Variants in HDLBP observed in about 807,000 individuals in gnomAD.
HDLBP encodes the protein vigilin.
A neutral mutation model predicts 137.3 loss-of-function variants in HDLBP; 30 were observed. The observed-to-expected ratio is 0.22, with a 90% CI of 0.16 to 0.30. The LOEUF is 0.30. Ranked by LOEUF, HDLBP falls within the 10% of genes least tolerant of loss-of-function variation. The probability of loss-of-function intolerance (pLI) is 1.00; values close to 1 mark genes in which losing one functional copy is unlikely to be tolerated. For missense variants in HDLBP, 1,119 were observed against 1,667.3 expected (o/e 0.67, Z 5.73); for synonymous variants, 606 against 596.0 (o/e 1.02, Z -0.24).
At chr2:241,236,577 C>T in intron 21 of HDLBP, 38 bp downstream of exon 21, 2 of 1,607,658 alleles carry the variant, frequency 1.2e-6, no homozygotes, top group Non-Finnish European at 1.7e-6. Flanking sequence ...GCTGACTGGG[C>T]CTTGGCGGGG....
chr2:241,242,730 G>A, intron 16 of HDLBP, 52 bp from the exon 17 acceptor site: 1 of 1,443,526 alleles, frequency 6.9e-7, no homozygotes, highest in Non-Finnish European at 9.6e-7. Context: ...GTGGCAAAAA[G>A]GGCAGAGGAA....
Position 241,315,577 on chromosome 2 carries a change from A to G in HDLBP, c.-110T>C, listed in dbSNP as rs2076046932. Reference sequence around the variant, plus strand: ...GGCGAAGATTCTCATTACCTGTTCCACTCTTATAAGCATAAGAAAACCGAG... The same window carrying G: ...GGCGAAGATTCTCATTACCTGTTCCGCTCTTATAAGCATAAGAAAACCGAG... On this transcript the variant is annotated 5_prime_UTR_variant, in exon 1 of 28. Coordinates refer to ENST00000310931, the MANE Select transcript of HDLBP (RefSeq NM_005336.6). 6.6e-6 allele frequency: 1 copy of G among 151,660 alleles called. No homozygotes were observed. The highest frequency in any genetic ancestry group is 1.5e-5 in the Non-Finnish European group (1 of 68,086). The allele number at this position is 151,660 out of a possible 1,614,324, so 9.4% of individuals were successfully genotyped here.
At chr2:241,261,579 A>AAT (rs2073190541) in intron 5 of HDLBP, among the ~76,000 whole-genome samples, 1 of 152,226 alleles carries the variant, frequency 6.6e-6, no homozygotes, top group East Asian at 1.9e-4. Flanking sequence ...CCTTTCCCCT[A>AAT]CAGTGTTGAT....
rs375138734 is a variant in HDLBP, at chr2:241,235,224, T to A, written c.3041A>T (p.Gln1014Leu). Reference protein sequence around the residue: ...VNIHVPAPELQSDIIAITGLA... With the variant: ...VNIHVPAPELLSDIIAITGLA... ...GCCCGTGATGGCGATGATGTCAGAC[T>A]GCAGCTCAGGTGCCGGGACATGTAT... The change falls in exon 23 of 28, where the codon CAG (glutamine) becomes CTG (leucine). Residue 1014 changes from glutamine to leucine, a missense_variant. This residue lies in a region of HDLBP where 618 missense variants were observed against 816.7 expected (regional missense o/e 0.76). Transcript: ENST00000310931. The A allele has an allele frequency of 2.3e-5, 37 of 1,614,088 alleles. No individual in the cohort carries two copies. Among genetic ancestry groups the A allele is most frequent in the Non-Finnish European group, 2.9e-5 (34 of 1,180,040 alleles).
At chr2:241,242,880 G>T in intron 16 of HDLBP, 1 of 590,766 alleles carries the variant, frequency 1.7e-6, no homozygotes, top group Non-Finnish European at 3.0e-6. Context: ...GGGAGAGTGG[G>T]GTGCGCCCAG....
intron 7 of HDLBP, 32 bp from the exon 8 acceptor site, chr2:241,255,612 G>C: frequency 6.3e-7 from 1 of 1,577,536 alleles, no homozygotes; most frequent in East Asian, 2.2e-5. Flanking sequence ...GGCAGTCAAA[G>C]GGAAAGGTGT....
intron 16 of HDLBP, among the ~76,000 whole-genome samples, chr2:241,243,846 G>A (rs2071472025): frequency 6.6e-6 from 1 of 151,908 alleles, no homozygotes. Context: ...AATATTCAGA[G>A]GAATACAAAA....
In HDLBP at chr2:241,255,096, G is replaced by A. The variant is rs1309628519; in HGVS notation, c.1143C>T (p.Gly381=). The change falls in exon 9 of 28, where the codon GGC becomes GGT. Residue 381 remains glycine, a synonymous_variant. Coordinates refer to ENST00000310931, the MANE Select transcript of HDLBP (RefSeq NM_005336.6). The part of the protein sequence containing the change: ...APSWLHRFII[G]KKGQNLAKIT... ...TTTTGGCCAGGTTCTGCCCTTTCTT[G>A]CCAATGATGAAACGGTGAAGCCAGG... 1 of 1,614,144 alleles carries A rather than the reference G, an allele frequency of 6.2e-7. No homozygotes were observed. The highest frequency in any genetic ancestry group is 8.5e-7 in the Non-Finnish European group (1 of 1,180,014).
chr2:241,252,857 G>C, intron 11 of HDLBP, 100 bp downstream of exon 11: 1 of 773,748 alleles, frequency 1.3e-6, no homozygotes, highest in East Asian at 2.5e-5. Context: ...GCAGCAATGG[G>C]CCTGGACTGT....
rs766637766 is a variant in HDLBP at position 241,242,508 on chromosome 2, C to A, written c.2121G>T (p.Ser707=). ...SDTVVIRGPS[S]DVEKAKKQLL... is the part of the protein sequence containing the mutation. ...GCTGCTTCTTGGCCTTCTCCACATC[C>A]GAGGAAGGGCCCCTGATAACAACGG... Residue 707 remains serine (S), a synonymous_variant, in exon 17 of 28, where the codon TCG becomes TCT. Coordinates refer to ENST00000310931, the MANE Select transcript of HDLBP (RefSeq NM_005336.6). The A allele has an allele frequency of 6.2e-7, 1 of 1,614,026 alleles. No individual in the cohort carries two copies. The highest frequency in any genetic ancestry group is 8.5e-7 in the Non-Finnish European group (1 of 1,180,030).
chr2:241,272,282 A>G lies in HDLBP; in HGVS notation c.-102-3741T>C. 1.0e-6 allele frequency: 1 copy of G among 977,598 alleles called. No individual in the cohort carries two copies. Among genetic ancestry groups the G allele is most frequent in the Non-Finnish European group, 1.2e-6 (1 of 823,518 alleles). The allele number at this position is 977,598 out of a possible 1,614,324, so 60.6% of individuals were successfully genotyped here. ...GGGGGAAGGACCCCGCTGGCCTCCC[A>G]GGGACCCCCACCCTGGCCGCACACG... On this transcript the variant is annotated intron_variant, in intron 1 of 27. Transcript: ENST00000310931. The surrounding 1 kb of genome is among the most constrained non-coding windows in gnomAD (Gnocchi z 5.6).
chr2:241,240,796 G>A lies in HDLBP; in HGVS notation c.2170-674C>T, dbSNP rs2071135895. 6.6e-6 allele frequency among the ~76,000 whole-genome samples: 1 copy of A among 152,158 alleles called. No individual in the cohort carries two copies. The highest frequency in any genetic ancestry group is 2.4e-5 in the African/African-American group (1 of 41,446). On this transcript the variant is annotated intron_variant, in intron 17 of 27. Transcript: ENST00000310931. This position sits in a 1 kb window ranked among gnomAD's most constrained non-coding sequence, Gnocchi z 5.5. ...GGAAAGGCCCCGGACACTGCTTGTG[G>A]ACACCAGTGCTTCTGGCAGACCCAC... is the stretch of plus-strand genomic sequence containing the variant.
chr2:241,253,269 C>A, intron 10 of HDLBP, 124 bp downstream of exon 10: 1 of 776,232 alleles, frequency 1.3e-6, no homozygotes, highest in Non-Finnish European at 2.3e-6. Flanking sequence ...TATTACTCAC[C>A]CAGCTAGGAT....
At position 241,240,372 on chromosome 2, in the gene HDLBP, C is replaced by A. The variant is rs541645843; in HGVS notation, c.2170-250G>T. ...GTGGGATGAACACACAGGCTTAGAACCCTGGTCCTGCCACTTACAAGCACT... is the reference window on the plus strand; with the variant it reads ...GTGGGATGAACACACAGGCTTAGAAACCTGGTCCTGCCACTTACAAGCACT... On this transcript the variant is annotated intron_variant, in intron 17 of 27. Transcript: ENST00000310931. This position sits in a 1 kb window ranked among gnomAD's most constrained non-coding sequence, Gnocchi z 5.5. Among the ~76,000 whole-genome samples, 33 of 152,344 alleles carry A rather than the reference C, an allele frequency of 2.2e-4. No individual in the cohort carries two copies. Among genetic ancestry groups the A allele is most frequent in the Middle Eastern group, 3.4e-3 (1 of 294 alleles).
chr2:241,277,120 T>C (rs1458054256), intron 1 of HDLBP, among the ~76,000 whole-genome samples: 1 of 152,066 alleles, frequency 6.6e-6, no homozygotes, highest in African/African-American at 2.4e-5. Flanking sequence ...AAGTAACTCA[T>C]GGAACAAGGA....
At chr2:241,277,387 T>A (rs904871511) in intron 1 of HDLBP, among the ~76,000 whole-genome samples, 1 of 152,136 alleles carries the variant, frequency 6.6e-6, no homozygotes, top group Non-Finnish European at 1.5e-5. Context: ...AAACAAAACC[T>A]ACATCCAAAT....
At chr2:241,255,991 C>A (rs1456046846) in intron 7 of HDLBP, among the ~76,000 whole-genome samples, 193 bp downstream of exon 7, 1 of 152,256 alleles carries the variant, frequency 6.6e-6, no homozygotes, top group Non-Finnish European at 1.5e-5. Flanking sequence ...GCAAGGACAA[C>A]TGCCAGGCAG....
Position 241,229,563 on chromosome 2 carries a change from G to T in HDLBP, c.*38C>A. 2 of 1,503,012 alleles carry T rather than the reference G, an allele frequency of 1.3e-6. No homozygotes were observed. The highest frequency in any genetic ancestry group is 1.8e-6 in the Non-Finnish European group (2 of 1,081,478). The allele number at this position is 1,503,012 out of a possible 1,614,324, so 93.1% of individuals were successfully genotyped here. A position where few individuals can be genotyped will look rare whatever the true frequency, so the allele number is the denominator to read the frequency against. On this transcript the variant is annotated 3_prime_UTR_variant, in exon 28 of 28. Transcript: ENST00000310931. ...ACAAACCATTGTGTGGTTGGGTTTG[G>T]GTCAGCAGGCTGGAGAGGGTTCTGT...
chr2:241,284,391 A>G (rs2074728384), intron 1 of HDLBP, among the ~76,000 whole-genome samples: 1 of 152,220 alleles, frequency 6.6e-6, no homozygotes. Flanking sequence ...TTAAAAGTGG[A>G]GCCTGAAGAT....
Sources: allele counts gnomAD v4.1 joint callset (sites outside exome capture counted in the v4.1 genomes callset), GRCh38; gene constraint gnomAD v4.1.1; regional missense constraint gnomAD v4.1.1; non-coding constraint Gnocchi (gnomAD v3.1); transcripts MANE v1.5; gene names NCBI Gene and HGNC (gene_info 2026-07-23, HGNC 2026-07-21).